The following SPTLC3 variants were observed in gnomAD, a reference collection of about 807,000 sequenced individuals.
The protein encoded by SPTLC3 is serine palmitoyltransferase long chain base subunit 3.
Under a neutral mutation model 59.3 loss-of-function variants are expected in SPTLC3, and 36 were observed. The ratio of observed to expected loss-of-function variants is 0.61; its 90% CI spans 0.47 to 0.80. SPTLC3 has a LOEUF of 0.80. Ranked by LOEUF, SPTLC3 falls within the 30% of genes least tolerant of loss-of-function variation. The pLI is 0.00. For missense variants in SPTLC3, 625 were observed against 685.1 expected, an observed-to-expected ratio of 0.91 and a Z score of 0.98; for synonymous variants, 257 against 240.8, an observed-to-expected ratio of 1.07 and a Z score of -0.62.
intron 7 of SPTLC3, 137 bp from the exon 8 acceptor site, chr20:13,117,369 A>C: frequency 1.3e-6 from 1 of 786,804 alleles, no homozygotes. Context: ...GGGTTGTCTC[A>C]GCCAAATAAA....
intron 4 of SPTLC3, among the ~76,000 whole-genome samples, chr20:13,079,240 T>C (rs1988755413): frequency 6.6e-6 from 1 of 152,002 alleles, no homozygotes; most frequent in South Asian, 2.1e-4. Context: ...ACAGGCAGGG[T>C]AGAGGTGGGT....
At chr20:13,131,157 T>C (rs1324302075) in intron 9 of SPTLC3, among the ~76,000 whole-genome samples, 2 of 152,232 alleles carry the variant, frequency 1.3e-5, no homozygotes, top group Non-Finnish European at 2.9e-5. Flanking sequence ...AAAATCATCT[T>C]ATTACTCATG....
intron 2 of SPTLC3, among the ~76,000 whole-genome samples, chr20:13,051,805 A>G (rs149553950): frequency 0.012 from 1,805 of 152,314 alleles, 19 homozygotes; most frequent in Admixed American, 0.016. Flanking sequence ...CCATGCAAAT[A>G]CATGGAAATT....
At chr20:13,036,306 C>G (rs1986732705) in intron 1 of SPTLC3, among the ~76,000 whole-genome samples, 1 of 151,948 alleles carries the variant, frequency 6.6e-6, no homozygotes, top group Non-Finnish European at 1.5e-5. Flanking sequence ...CCTCATCCAC[C>G]TCTTTCATCT....
In SPTLC3 at chr20:13,034,891, C is replaced by T. The variant is rs1986666772; in HGVS notation, c.118-14054C>T. ...AGGAGTCAAAATCAAATAAAGAGAC[C>T]ACCCAGGAGGTAATTGCAGTGGTCC... is the stretch of plus-strand genomic sequence containing the variant. On this transcript the variant is annotated intron_variant, in intron 1 of 11. Transcript: ENST00000399002. Among the ~76,000 whole-genome samples the T allele has an allele frequency of 2.0e-5, 3 of 152,036 alleles. No individual in the cohort carries two copies. The South Asian group carries it at 6.2e-4, about 32-fold the overall frequency.
intron 9 of SPTLC3, among the ~76,000 whole-genome samples, chr20:13,151,700 T>C (rs1477981347): frequency 6.6e-6 from 1 of 152,220 alleles, no homozygotes; most frequent in Non-Finnish European, 1.5e-5. Flanking sequence ...CATTTAGGCC[T>C]GATGAGCAAA....
In SPTLC3 at chr20:13,048,570, T is replaced by C. The variant is rs181929807; in HGVS notation, c.118-375T>C. 1.0e-3 allele frequency among the ~76,000 whole-genome samples: 153 copies of C among 152,216 alleles called. 1 individual carries two copies. Among genetic ancestry groups the C allele is most frequent in the African/African-American group, 3.6e-3 (150 of 41,544 alleles). On this transcript the variant is annotated intron_variant, in intron 1 of 11. Transcript: ENST00000399002. ...TATTGAATATTACACATAACAGGAG[T>C]GTAGAGTGGCTGCTTATTCCAACAT...
intron 6 of SPTLC3, among the ~76,000 whole-genome samples, chr20:13,104,416 G>C (rs1989756649): frequency 6.6e-6 from 1 of 152,108 alleles, no homozygotes; most frequent in Non-Finnish European, 1.5e-5. Flanking sequence ...CCTTTCACTT[G>C]GCTCCCACTC....
At chr20:13,137,127 T>C (rs925077241) in intron 9 of SPTLC3, among the ~76,000 whole-genome samples, 2 of 152,304 alleles carry the variant, frequency 1.3e-5, no homozygotes, top group South Asian at 2.1e-4. Context: ...GGGCTTCCTT[T>C]ACCCTTTAAA....
At chr20:13,162,172 A>T (rs1012570088) in intron 11 of SPTLC3, among the ~76,000 whole-genome samples, 1 of 152,196 alleles carries the variant, frequency 6.6e-6, no homozygotes, top group Non-Finnish European at 1.5e-5. Context: ...AAAATGTAGA[A>T]GGCTTGAGCA....
chr20:13,117,546 C>G lies in SPTLC3; in HGVS notation c.973C>G (p.Leu325Val). 1 of 1,606,616 alleles carries G rather than the reference C, an allele frequency of 6.2e-7. No individual in the cohort carries two copies. Among genetic ancestry groups the G allele is most frequent in the South Asian group, 1.1e-5 (1 of 90,394 alleles). ...SIVHLPQIIA[L>V]KKKYKAYLYI... ...CGTGCATCTGCCCCAGATCATAGCTCTAAAGAAGAAATACAAGGCTTACCT... is the reference window on the plus strand; with the variant it reads ...CGTGCATCTGCCCCAGATCATAGCTGTAAAGAAGAAATACAAGGCTTACCT... Residue 325 changes from leucine to valine, a missense_variant, in exon 8 of 12, where the codon CTA becomes GTA. Leu to Val is a conservative substitution (Grantham distance 32, BLOSUM62 1). Transcript: ENST00000399002.
intron 2 of SPTLC3, among the ~76,000 whole-genome samples, chr20:13,071,402 G>A (rs1331035815): frequency 6.6e-6 from 1 of 152,130 alleles, no homozygotes; most frequent in African/African-American, 2.4e-5. Context: ...ACAGTTGTTA[G>A]CCAAAAATTA....
chr20:13,011,446 C>T (rs1359003774), intron 1 of SPTLC3, among the ~76,000 whole-genome samples: 1 of 152,210 alleles, frequency 6.6e-6, no homozygotes, highest in East Asian at 1.9e-4. Flanking sequence ...TCTCTTCCCA[C>T]TTATTTGCAA....
At chr20:13,159,145 T>C (rs576938491) in intron 10 of SPTLC3, among the ~76,000 whole-genome samples, 157 of 152,332 alleles carry the variant, frequency 1.0e-3, no homozygotes, top group Non-Finnish European at 1.9e-3. Context: ...ATTCTAGAAT[T>C]GTTACAGAGA....
chr20:13,110,021 A>T, intron 6 of SPTLC3, 91 bp from the exon 7 acceptor site: 1 of 1,044,606 alleles, frequency 9.6e-7, no homozygotes. Flanking sequence ...TTTAGGTCTG[A>T]GTGTGAACAT....
chr20:13,080,820 T>A (rs1988817359), intron 4 of SPTLC3, among the ~76,000 whole-genome samples: 1 of 152,170 alleles, frequency 6.6e-6, no homozygotes, highest in Non-Finnish European at 1.5e-5. Flanking sequence ...TTGAATAAAG[T>A]ATTTAAATAT....
chr20:13,047,102 T>A (rs2122492686), intron 1 of SPTLC3, among the ~76,000 whole-genome samples: 1 of 152,320 alleles, frequency 6.6e-6, no homozygotes, highest in African/African-American at 2.4e-5. Flanking sequence ...ATTTTAGATA[T>A]CACTATAAAA....
chr20:13,154,803 AGTTTGGCAGGGAC>A (rs1373580148), intron 10 of SPTLC3, among the ~76,000 whole-genome samples: 1 of 152,220 alleles, frequency 6.6e-6, no homozygotes, highest in Non-Finnish European at 1.5e-5. Context: ...ACTTTTTGTC[AGTTTGGCAGGGAC>A]AATTTTATAC....
At chr20:13,081,907 T>G (rs1012995244) in intron 4 of SPTLC3, among the ~76,000 whole-genome samples, 25 of 152,082 alleles carry the variant, frequency 1.6e-4, no homozygotes, top group African/African-American at 5.1e-4. Flanking sequence ...AGGAGAAAAA[T>G]GAAAGCATAT....
Sources: gnomAD v4.1 joint callset for allele counts (sites outside exome capture counted in the v4.1 genomes callset) on GRCh38, gnomAD v4.1.1 for gene constraint, MANE v1.5 for transcripts, NCBI Gene and HGNC (gene_info 2026-07-23, HGNC 2026-07-21) for gene names.